ARMCX4: variants seen among roughly 807,000 people sequenced by gnomAD.
ARMCX4 encodes the protein armadillo repeat-containing X-linked protein 4.
In ARMCX4, 3 loss-of-function variants were observed where a neutral mutation model predicts 34.7. That is an observed-to-expected ratio of 0.09 (90% confidence interval 0.04 to 0.22). The LOEUF (loss-of-function observed/expected upper bound fraction) is 0.22, where lower values mean the gene tolerates loss of function less well. Ranked by LOEUF, ARMCX4 falls within the 10% of genes least tolerant of loss-of-function variation. The probability of loss-of-function intolerance (pLI) is 1.00; values close to 1 mark genes in which losing one functional copy is unlikely to be tolerated. For missense variants in ARMCX4, 1,448 were observed against 1,720.8 expected (o/e 0.84, Z 2.81); for synonymous variants, 513 against 632.8 (o/e 0.81, Z 2.84).
chrX:101,528,769 C>T (rs1556021313), intron 11 of ARMCX4, among the ~76,000 whole-genome samples: 1 of 111,005 alleles, frequency 9.0e-6, no homozygotes, highest in Non-Finnish European at 1.9e-5. Flanking sequence ...AGGAATCCAA[C>T]TTACAAGGGC....
chrX:101,464,393 A>G (rs1932757061), intron 4 of ARMCX4, among the ~76,000 whole-genome samples: 1 of 111,191 alleles, frequency 9.0e-6, no homozygotes, highest in African/African-American at 3.3e-5. Flanking sequence ...GTAAATAAAT[A>G]AATAAAATGT....
chrX:101,503,883 A>T (rs1468602857), intron 7 of ARMCX4, among the ~76,000 whole-genome samples: 9 of 109,958 alleles, frequency 8.2e-5, no homozygotes, highest in Admixed American at 3.9e-4. Flanking sequence ...CTGAATGGTA[A>T]TGCCTAGGTT....
chrX:101,483,689 GT>G (rs113598665), upstream of ARMCX4, among the ~76,000 whole-genome samples: 184 of 102,844 alleles, frequency 1.8e-3, no homozygotes, highest in African/African-American at 3.5e-3. Flanking sequence ...AATGTTTATG[GT>G]TTTTTTTTTT....
At position 101,495,031 on chromosome X, in the gene ARMCX4, A is replaced by C. The variant is rs782263843; in HGVS notation, c.6442A>C (p.Ile2148Leu). 1.0e-4 allele frequency: 115 copies of C among 1,152,314 alleles called. No homozygotes were observed. The highest frequency in any genetic ancestry group is 1.3e-4 in the Non-Finnish European group (114 of 870,529). 95.0% of individuals were successfully genotyped at this position (1,152,314 alleles called of 1,213,427 possible). A position where few individuals can be genotyped will look rare whatever the true frequency, so the allele number is the denominator to read the frequency against. ...TGTGCAGTTGGCTGGACTAAGGTTG[A>C]TAAGGCATCTGACTATTACCAGTGA... is the stretch of plus-strand genomic sequence containing the variant. ...SNVQLAGLRL[I>L]RHLTITSEYQ... Residue 2148 changes from isoleucine to leucine, a missense_variant, in exon 6 of 6, where the codon ATA becomes CTA. This residue lies in a region of ARMCX4 where 105 missense variants were observed against 180.2 expected (regional missense o/e 0.58). Transcript: ENST00000423738.
Position 101,489,050 on chromosome X carries a change from A to G in ARMCX4, c.461A>G (p.Glu154Gly). 8.6e-7 allele frequency: 1 copy of G among 1,156,398 alleles called. No individual in the cohort carries two copies. Among genetic ancestry groups the G allele is most frequent in the Non-Finnish European group, 1.1e-6 (1 of 873,145 alleles). The change falls in exon 6 of 6, where the codon GAG becomes GGG. Residue 154 changes from glutamate to glycine, a missense_variant. By Grantham distance (98) the Glu-to-Gly change is moderately conservative. This residue lies in a region of ARMCX4 where 1,343 missense variants were observed against 1,540.7 expected (regional missense o/e 0.87). Transcript: ENST00000423738. The stretch of plus-strand genomic sequence containing the variant: ...GAAGCAGTGACCCAAACTGATGCTG[A>G]GGCTGGCAAAATAGTTAAGAAAGAA... ...MKEAVTQTDAEAGKIVKKEAV... is the reference protein window; with the variant it reads ...MKEAVTQTDAGAGKIVKKEAV...
intron 2 of ARMCX4, among the ~76,000 whole-genome samples, chrX:101,441,378 C>T (rs915021498): frequency 4.5e-5 from 5 of 110,532 alleles, no homozygotes; most frequent in Non-Finnish European, 9.5e-5. Flanking sequence ...CATGATGGTC[C>T]GCTTGCTGAA....
intron 2 of ARMCX4, among the ~76,000 whole-genome samples, chrX:101,431,851 G>A (rs1252063060): frequency 1.8e-5 from 2 of 112,221 alleles, no homozygotes; most frequent in Non-Finnish European, 3.8e-5. Context: ...CCTGCACCAT[G>A]TTTCTTAAAG....
upstream of ARMCX4, among the ~76,000 whole-genome samples, chrX:101,483,195 C>T (rs1933541023): frequency 9.2e-6 from 1 of 108,788 alleles, no homozygotes; most frequent in Non-Finnish European, 1.9e-5. Flanking sequence ...TGCCCGGCTG[C>T]GTCAGTTTTT....
intron 2 of ARMCX4, among the ~76,000 whole-genome samples, chrX:101,437,560 C>T (rs1164540826): frequency 9.0e-5 from 10 of 111,146 alleles, no homozygotes; most frequent in African/African-American, 3.3e-4. Flanking sequence ...GTCTTGCTAG[C>T]AGTCTATCAA....
intron 4 of ARMCX4, among the ~76,000 whole-genome samples, chrX:101,469,934 G>A (rs782434769): frequency 6.0e-4 from 67 of 111,787 alleles, no homozygotes; most frequent in Non-Finnish European, 7.9e-4. Context: ...CCCTTAATTT[G>A]CGTATAATTA....
At chrX:101,469,863 C>T (rs143169075) in intron 4 of ARMCX4, among the ~76,000 whole-genome samples, 5,528 of 111,102 alleles carry the variant, frequency 0.05, 111 homozygotes, top group Middle Eastern at 0.087. Context: ...GTCAATTTAC[C>T]ATGGCCATGG....
intron 4 of ARMCX4, among the ~76,000 whole-genome samples, chrX:101,464,990 A>AT (rs1304040200): frequency 9.0e-6 from 1 of 111,658 alleles, no homozygotes; most frequent in Non-Finnish European, 1.9e-5. Context: ...TCTAGGATGT[A>AT]TTTTTTATTC....
chrX:101,456,038 C>T (rs1323382564), intron 4 of ARMCX4, among the ~76,000 whole-genome samples: 1 of 111,452 alleles, frequency 9.0e-6, no homozygotes, highest in African/African-American at 3.3e-5. Context: ...TGAATATGTA[C>T]CACATTTTCT....
chrX:101,480,134 A>C (rs987155574), intron 4 of ARMCX4, among the ~76,000 whole-genome samples: 43 of 87,408 alleles, frequency 4.9e-4, no homozygotes, highest in African/African-American at 1.7e-3. Flanking sequence ...ACACACACAC[A>C]CACACACACA....
chrX:101,456,113 G>C (rs1215801573), intron 4 of ARMCX4, among the ~76,000 whole-genome samples: 1 of 111,573 alleles, frequency 9.0e-6, no homozygotes, highest in Non-Finnish European at 1.9e-5. Context: ...TGTGAATAGT[G>C]CTGCAATGAA....
intron 11 of ARMCX4, among the ~76,000 whole-genome samples, chrX:101,521,596 T>G (rs923790855): frequency 1.2e-4 from 13 of 110,334 alleles, no homozygotes; most frequent in Non-Finnish European, 2.3e-4. Context: ...CTTAAGTTTA[T>G]TTTTCTCTTC....
chrX:101,493,659 G>A lies in ARMCX4; in HGVS notation c.5070G>A (p.Gly1690=). 1 of 1,154,128 alleles carries A rather than the reference G, an allele frequency of 8.7e-7. No homozygotes were observed. The highest frequency in any genetic ancestry group is 1.1e-6 in the Non-Finnish European group (1 of 872,111). The change falls in exon 6 of 6, where the codon GGG becomes GGA. Residue 1690 remains glycine (G), a synonymous_variant. Coordinates refer to ENST00000423738, the MANE Select transcript of ARMCX4 (RefSeq NM_001256155.3). ...AATCCTGGGCTGGATCTAGGCCTGG[G>A]AATGAGGCCATTGGAGGATCTAGGA... ...SGESWAGSRP[G]NEAIGGSRMG...
intron 2 of ARMCX4, among the ~76,000 whole-genome samples, chrX:101,437,689 TTTTGAATGTG>T (rs1555995355): frequency 1.8e-5 from 2 of 111,747 alleles, no homozygotes; most frequent in African/African-American, 6.5e-5. Flanking sequence ...TTCTGCTAGC[TTTTGAATGTG>T]TTTGCTCTTG....
At position 101,491,268 on chromosome X, in the gene ARMCX4, T is replaced by C; in HGVS notation, c.2679T>C (p.Asn893=). 1 of 1,155,702 alleles carries C rather than the reference T, an allele frequency of 8.7e-7. No homozygotes were observed. Among genetic ancestry groups the C allele is most frequent in the Middle Eastern group, 2.3e-4 (1 of 4,302 alleles). ...GGAATAAGGTCAAGGGCAATTCCAATGTTGTGTCTAAGGCAGGGGCCAGAG... is the reference window on the plus strand; with the variant it reads ...GGAATAAGGTCAAGGGCAATTCCAACGTTGTGTCTAAGGCAGGGGCCAGAG... The part of the protein sequence containing the change: ...GARNKVKGNS[N]VVSKAGARED... The change falls in exon 6 of 6, where the codon AAT becomes AAC. Residue 893 remains asparagine, a synonymous_variant. Coordinates refer to ENST00000423738, the MANE Select transcript of ARMCX4 (RefSeq NM_001256155.3).
Sources: allele counts gnomAD v4.1 joint callset (sites outside exome capture counted in the v4.1 genomes callset), GRCh38; gene constraint gnomAD v4.1.1; regional missense constraint gnomAD v4.1.1; transcripts MANE v1.5; gene names NCBI Gene and HGNC (gene_info 2026-07-23, HGNC 2026-07-21).